Variants in COLQ observed in about 807,000 individuals in gnomAD.
COLQ encodes collagen like tail subunit of asymmetric acetylcholinesterase, also known as acetylcholinesterase collagenic tail peptide.
In COLQ, 48 loss-of-function variants were observed where a neutral mutation model predicts 69.0. The observed-to-expected ratio is 0.70, with a 90% confidence interval of 0.55 to 0.88. COLQ has a LOEUF of 0.88. Ranked by LOEUF, COLQ falls within the 40% of genes least tolerant of loss-of-function variation. The pLI, the probability that COLQ is intolerant of heterozygous loss-of-function variation, is 0.00. For missense variants in COLQ, 618 were observed against 594.6 expected (o/e 1.04, Z -0.41); for synonymous variants, 217 against 211.2 (o/e 1.03, Z -0.24).
Position 15,474,028 on chromosome 3 carries a change from G to T in COLQ, c.608C>A (p.Pro203Gln). The T allele has an allele frequency of 6.2e-7, 1 of 1,614,062 alleles. No homozygotes were observed. Among genetic ancestry groups the T allele is most frequent in the African/African-American group, 1.3e-5 (1 of 75,028 alleles). ...CTGCCCCAACATTCCAGGAAATCCT[G>T]GGAAACCCTGTGAAAAGAGCAACAA... is the stretch of plus-strand genomic sequence containing the variant. ...DLGPKGEKGF[P>Q]GFPGMLGQKG... The change falls in exon 10 of 17, where the codon CCA becomes CAA. Residue 203 changes from proline (P) to glutamine (Q), a missense_variant. Coordinates refer to ENST00000383788, the MANE Select transcript of COLQ (RefSeq NM_005677.4).
chr3:15,497,477 C>T (rs1453399077), intron 1 of COLQ, among the ~76,000 whole-genome samples: 1 of 152,120 alleles, frequency 6.6e-6, no homozygotes, highest in East Asian at 1.9e-4. Context: ...TCTGTTTTTC[C>T]ATCAAGTAGC....
chr3:15,478,919 T>C (rs1394466084), intron 5 of COLQ, 58 bp downstream of exon 5: 7 of 1,608,924 alleles, frequency 4.4e-6, no homozygotes, highest in Non-Finnish European at 5.1e-6. Flanking sequence ...TAGGAGTGCA[T>C]GCACACACAT....
intron 3 of COLQ, among the ~76,000 whole-genome samples, chr3:15,486,042 A>G (rs572945297): frequency 3.0e-4 from 45 of 152,350 alleles, no homozygotes; most frequent in Non-Finnish European, 5.0e-4. Context: ...GAGCTCCCCC[A>G]GGGAATCGTA....
In COLQ at chr3:15,474,964, A is replaced by G; in HGVS notation, c.529-13T>C. ...ATCCAGGGTAGCCCTAAAAGAAAGC[A>G]GAAGGTACATTTACAATCAGCCCTG... On this transcript the variant is annotated splice_polypyrimidine_tract_variant and intron_variant, in intron 7 of 16. Transcript: ENST00000383788. 2 of 1,614,108 alleles carry G rather than the reference A, an allele frequency of 1.2e-6. No individual in the cohort carries two copies. Among genetic ancestry groups the G allele is most frequent in the South Asian group, 2.2e-5 (2 of 91,086 alleles).
At chr3:15,474,868 T>C in intron 8 of COLQ, 57 bp downstream of exon 8, 2 of 1,599,318 alleles carry the variant, frequency 1.3e-6, no homozygotes, top group Non-Finnish European at 1.7e-6. Context: ...ATGTCTCTGA[T>C]TCCAGAGCCA....
chr3:15,495,075 C>T (rs1383926133), intron 1 of COLQ, among the ~76,000 whole-genome samples: 2 of 139,692 alleles, frequency 1.4e-5, no homozygotes, highest in South Asian at 2.3e-4. Flanking sequence ...AGTCTGGTTC[C>T]GGAGCCCTTC....
intron 2 of COLQ, among the ~76,000 whole-genome samples, 190 bp downstream of exon 2, chr3:15,489,335 G>A (rs534884493): frequency 6.6e-6 from 1 of 152,340 alleles, no homozygotes; most frequent in East Asian, 1.9e-4. Flanking sequence ...GATATTTGGA[G>A]AATGGACACA....
At chr3:15,483,156 A>C (rs901315089) in intron 3 of COLQ, among the ~76,000 whole-genome samples, 1 of 152,162 alleles carries the variant, frequency 6.6e-6, no homozygotes, top group East Asian at 1.9e-4. Flanking sequence ...CTTTTCAAAA[A>C]ACCAGCTCCT....
chr3:15,476,641 T>C (rs2062382919), intron 6 of COLQ, among the ~76,000 whole-genome samples: 1 of 152,136 alleles, frequency 6.6e-6, no homozygotes, highest in Non-Finnish European at 1.5e-5. Context: ...GAGGCACAGA[T>C]GGGGATGTGC....
chr3:15,478,905 T>G, intron 5 of COLQ, 72 bp downstream of exon 5: 1 of 1,581,370 alleles, frequency 6.3e-7, no homozygotes, highest in Non-Finnish European at 8.7e-7. Flanking sequence ...TGTTCCCCCC[T>G]CCCTAGGAGT....
chr3:15,463,665 C>A (rs926128260), intron 12 of COLQ, among the ~76,000 whole-genome samples: 3 of 152,150 alleles, frequency 2.0e-5, no homozygotes, highest in African/African-American at 4.8e-5. Flanking sequence ...GTTTTGTGAG[C>A]CCCTAGGTAC....
intron 1 of COLQ, among the ~76,000 whole-genome samples, chr3:15,514,714 A>G (rs113370897): frequency 8.5e-5 from 13 of 152,322 alleles, no homozygotes; most frequent in African/African-American, 3.1e-4. Flanking sequence ...AGGCCAAGCC[A>G]GCAGGGCTCC....
rs1188131165 is a variant in COLQ at position 15,453,870 on chromosome 3, G to A, written c.1257C>T (p.Gly419=). The A allele has an allele frequency of 1.2e-6, 2 of 1,612,294 alleles. No individual in the cohort carries two copies. Among genetic ancestry groups the A allele is most frequent in the Admixed American group, 3.3e-5 (2 of 59,898 alleles). ...CGCATGTCAGGTAGCCAAAGTCAGA[G>A]CCGTCACAGTCCTCCACACCCTCAT... is the stretch of plus-strand genomic sequence containing the variant. ...HRHEGVEDCD[G]SDFGYLTCET... The change falls in exon 16 of 17, where the codon GGC becomes GGT. Residue 419 remains glycine (G), a synonymous_variant. Coordinates refer to ENST00000383788, the MANE Select transcript of COLQ (RefSeq NM_005677.4).
At chr3:15,478,875 T>C in intron 5 of COLQ, 102 bp downstream of exon 5, 2 of 1,387,450 alleles carry the variant, frequency 1.4e-6, no homozygotes, top group Admixed American at 1.7e-5. Flanking sequence ...TGGGTATCAG[T>C]GACCACTGAA....
rs183937377 is a variant in COLQ at position 15,472,270 on chromosome 3, T to A, written c.637-1654A>T. 2.7e-4 allele frequency among the ~76,000 whole-genome samples: 41 copies of A among 152,362 alleles called. No individual in the cohort carries two copies. The East Asian group carries it at 7.7e-3, about 29-fold the overall frequency. ...ATCTAAATATTTTTAAGTAAAACTG[T>A]TTTTTCTCTTTTAACACTTCCTTTA... is the stretch of plus-strand genomic sequence containing the variant. On this transcript the variant is annotated intron_variant, in intron 10 of 16. Coordinates refer to ENST00000383788, the MANE Select transcript of COLQ (RefSeq NM_005677.4).
intron 6 of COLQ, among the ~76,000 whole-genome samples, chr3:15,476,536 T>C (rs2062381421): frequency 6.6e-6 from 1 of 152,190 alleles, no homozygotes; most frequent in South Asian, 2.1e-4. Flanking sequence ...TCAGAGCAGA[T>C]GGTGAGATCC....
chr3:15,465,235 G>GAGATGGAGACTTTATATATTT (rs1559515566), intron 12 of COLQ, among the ~76,000 whole-genome samples: 5 of 135,736 alleles, frequency 3.7e-5, no homozygotes, highest in African/African-American at 1.4e-4. Flanking sequence ...TTTATATTTT[G>GAGATGGAGACTTTATATATTT]ATTTATTTAT....
chr3:15,472,037 C>T (rs1431329757), intron 10 of COLQ, among the ~76,000 whole-genome samples: 1 of 150,760 alleles, frequency 6.6e-6, no homozygotes, highest in African/African-American at 2.4e-5. Context: ...TTGAAGCAGT[C>T]AGGAATTTCT....
chr3:15,499,867 C>T (rs2062808231), intron 1 of COLQ, among the ~76,000 whole-genome samples: 1 of 152,166 alleles, frequency 6.6e-6, no homozygotes, highest in South Asian at 2.1e-4. Flanking sequence ...TCTAAGCTTT[C>T]TTACTTATAA....
Sources: gnomAD v4.1 joint callset for allele counts (sites outside exome capture counted in the v4.1 genomes callset) on GRCh38, gnomAD v4.1.1 for gene constraint, MANE v1.5 for transcripts, NCBI Gene and HGNC (gene_info 2026-07-23, HGNC 2026-07-21) for gene names.